FGF14: variants seen among roughly 807,000 people sequenced by gnomAD.
FGF14 encodes fibroblast growth factor homologous factor 4.
In FGF14, 5 loss-of-function variants were observed where a neutral mutation model predicts 25.5. The observed-to-expected ratio is 0.20, with a 90% CI of 0.10 to 0.41. The LOEUF (loss-of-function observed/expected upper bound fraction) is 0.41, where lower values mean the gene tolerates loss of function less well. FGF14 is among the 10% of genes least tolerant of loss of function. The probability of loss-of-function intolerance (pLI) is 1.00; values close to 1 mark genes in which losing one functional copy is unlikely to be tolerated. For synonymous variants in FGF14, 138 were observed against 118.3 expected, an observed-to-expected ratio of 1.17 and a Z score of -1.08; for missense variants, 222 against 320.1, an observed-to-expected ratio of 0.69 and a Z score of 2.34.
In FGF14 at chr13:102,074,518, AAAC is replaced by A. The variant is rs2043282576; in HGVS notation, c.209-199225_209-199223del. Among the ~76,000 whole-genome samples the A allele has an allele frequency of 2.6e-5, 4 of 152,354 alleles. No homozygotes were observed. In the South Asian group the frequency reaches 8.3e-4, roughly 32 times the overall value. On this transcript the variant is annotated intron_variant, in intron 1 of 4. Coordinates refer to the FGF14 transcript ENST00000376131. The stretch of plus-strand genomic sequence containing the variant: ...TGTTAGACACTGGAAACACAACTGT[AAAC>A]AAGATAGATTTAGTTTACATCTTCA...
At chr13:101,947,477 C>T (rs1022897018) in intron 1 of FGF14, among the ~76,000 whole-genome samples, 4 of 152,132 alleles carry the variant, frequency 2.6e-5, no homozygotes, top group African/African-American at 9.7e-5. Context: ...AAATGTGATA[C>T]ATATATACCA....
At chr13:101,830,449 G>A (rs2042613554) in intron 3 of FGF14, among the ~76,000 whole-genome samples, 2 of 152,040 alleles carry the variant, frequency 1.3e-5, no homozygotes, top group Non-Finnish European at 2.9e-5. Flanking sequence ...TCCAGTATGA[G>A]ACAAGAAGGA....
intron 1 of FGF14, among the ~76,000 whole-genome samples, chr13:102,376,978 C>T (rs1028170977): frequency 6.6e-6 from 1 of 152,124 alleles, no homozygotes; most frequent in East Asian, 1.9e-4. Context: ...GCTTATTGGG[C>T]CCAACTTCTC....
intron 1 of FGF14, among the ~76,000 whole-genome samples, chr13:101,952,133 A>T (rs995132273): frequency 7.9e-5 from 12 of 152,168 alleles, no homozygotes; most frequent in Non-Finnish European, 1.8e-4. Context: ...CTTTGAAATA[A>T]GCATCCAAAC....
At chr13:101,906,619 G>C (rs535190074) in intron 1 of FGF14, among the ~76,000 whole-genome samples, 1 of 152,092 alleles carries the variant, frequency 6.6e-6, no homozygotes, top group Non-Finnish European at 1.5e-5. Context: ...TTCATGTCTC[G>C]TTGTTGAGCC....
At chr13:102,289,918 T>C (rs1452594087) in intron 1 of FGF14, among the ~76,000 whole-genome samples, 2 of 152,094 alleles carry the variant, frequency 1.3e-5, no homozygotes, top group African/African-American at 4.8e-5. Context: ...TCTCTGCCTT[T>C]CTCTCTCTCT....
rs1254517633 is a variant in FGF14, at chr13:101,720,938, C to T, written c.*1893G>A. 4 of 151,894 alleles carry T rather than the reference C, an allele frequency of 2.6e-5. No homozygotes were observed. Among genetic ancestry groups the T allele is most frequent in the East Asian group, 3.9e-4 (2 of 5,178 alleles). 9.4% of individuals were successfully genotyped at this position (151,894 alleles called of 1,614,324 possible). On this transcript the variant is annotated 3_prime_UTR_variant, in exon 5 of 5. Transcript: ENST00000376143. ...ACAAACAGTTAAATTTCTACTAAAC[C>T]TTTAATCAGCTAAGCAGGCCAGAAT...
intron 1 of FGF14, among the ~76,000 whole-genome samples, chr13:101,969,608 C>T (rs1273545740): frequency 6.6e-6 from 1 of 152,182 alleles, no homozygotes. Context: ...TCATTGCACA[C>T]ACTACATCCA....
At chr13:102,331,887 T>C (rs1473841020) in intron 1 of FGF14, among the ~76,000 whole-genome samples, 4 of 152,126 alleles carry the variant, frequency 2.6e-5, no homozygotes, top group Non-Finnish European at 5.9e-5. Flanking sequence ...AGGGAAAAAC[T>C]TCCACAGAGT....
At chr13:102,011,266 G>A (rs2040062851) in intron 1 of FGF14, among the ~76,000 whole-genome samples, 1 of 152,078 alleles carries the variant, frequency 6.6e-6, no homozygotes, top group Admixed American at 6.5e-5. Context: ...TTCTCTCCTG[G>A]AGCTTCCAAC....
At chr13:102,000,090 C>T (rs1383272704) in intron 1 of FGF14, among the ~76,000 whole-genome samples, 5 of 151,960 alleles carry the variant, frequency 3.3e-5, no homozygotes, top group Admixed American at 6.6e-5. Context: ...CCGAGGCGGG[C>T]GGATCACGAG....
chr13:101,963,136 A>G (rs1473445476), intron 1 of FGF14, among the ~76,000 whole-genome samples: 1 of 152,198 alleles, frequency 6.6e-6, no homozygotes, highest in African/African-American at 2.4e-5. Flanking sequence ...AGCAAATTTT[A>G]TTTTAATCCA....
At chr13:101,829,467 C>T (rs2042564802) in intron 3 of FGF14, among the ~76,000 whole-genome samples, 2 of 152,056 alleles carry the variant, frequency 1.3e-5, no homozygotes, top group Admixed American at 1.3e-4. Flanking sequence ...GTGAATTATA[C>T]TGCTTTTGTA....
At chr13:101,743,548 C>T (rs1192775141) in intron 3 of FGF14, among the ~76,000 whole-genome samples, 3 of 152,082 alleles carry the variant, frequency 2.0e-5, no homozygotes, top group Non-Finnish European at 2.9e-5. Context: ...AGGGTGAATC[C>T]CTCTTCTTTG....
chr13:102,326,780 A>AAAGG (rs565977959), intron 1 of FGF14, among the ~76,000 whole-genome samples: 6 of 150,176 alleles, frequency 4.0e-5, no homozygotes, highest in South Asian at 2.1e-4. Context: ...GGAAGAAAAA[A>AAAGG]AAGGAAGGAA....
At chr13:101,981,896 A>C (rs529057756) in intron 1 of FGF14, among the ~76,000 whole-genome samples, 1 of 152,212 alleles carries the variant, frequency 6.6e-6, no homozygotes, top group Non-Finnish European at 1.5e-5. Context: ...CTAGTGGAAG[A>C]TATTAGGCCA....
At chr13:101,933,149 T>G (rs1461268831) in intron 1 of FGF14, among the ~76,000 whole-genome samples, 1 of 152,222 alleles carries the variant, frequency 6.6e-6, no homozygotes, top group Non-Finnish European at 1.5e-5. Flanking sequence ...TTTAAAAACT[T>G]AGTTTAACTA....
intron 1 of FGF14, among the ~76,000 whole-genome samples, chr13:102,160,353 T>C (rs1392054502): frequency 6.6e-6 from 1 of 152,060 alleles, no homozygotes; most frequent in Middle Eastern, 3.2e-3. Flanking sequence ...CCCAGCTATG[T>C]TCTACATCAT....
upstream of FGF14, chr13:102,402,184 T>G (rs888114776): frequency 3.1e-5 from 5 of 159,122 alleles, no homozygotes; most frequent in African/African-American, 1.2e-4. Flanking sequence ...CTTCTCCCAG[T>G]GTCGATTTTT....
Sources: allele counts gnomAD v4.1 joint callset (sites outside exome capture counted in the v4.1 genomes callset), GRCh38; gene constraint gnomAD v4.1.1; transcripts MANE v1.5; gene names NCBI Gene and HGNC (gene_info 2026-07-23, HGNC 2026-07-21).